CPQ: variants seen among roughly 807,000 people sequenced by gnomAD.
CPQ encodes carboxypeptidase Q.
In CPQ, 37 loss-of-function variants were observed where a neutral mutation model predicts 45.7. The ratio of observed to expected loss-of-function variants is 0.81; its 90% CI spans 0.62 to 1.07. CPQ has a LOEUF of 1.07. CPQ is among the 50% of genes least tolerant of loss of function. The pLI is 0.00. For synonymous variants in CPQ, 186 were observed against 205.8 expected, an observed-to-expected ratio of 0.90 and a Z score of 0.82; for missense variants, 537 against 572.9, an observed-to-expected ratio of 0.94 and a Z score of 0.64.
intron 4 of CPQ, among the ~76,000 whole-genome samples, chr8:96,961,586 T>G (rs1387152288): frequency 6.6e-6 from 1 of 152,228 alleles, no homozygotes; most frequent in Non-Finnish European, 1.5e-5. Flanking sequence ...GCTTTGAATT[T>G]TTATTCTATT....
At chr8:96,903,702 G>A (rs893443941) in intron 4 of CPQ, among the ~76,000 whole-genome samples, 2 of 152,154 alleles carry the variant, frequency 1.3e-5, no homozygotes, top group East Asian at 1.9e-4. Context: ...CAGCTAATGA[G>A]TGCTAGCACC....
intron 3 of CPQ, among the ~76,000 whole-genome samples, chr8:96,876,876 G>A (rs1186237699): frequency 6.6e-6 from 1 of 152,060 alleles, no homozygotes; most frequent in African/African-American, 2.4e-5. Context: ...GGGATTTTTG[G>A]TCTGTAGTTT....
intron 3 of CPQ, among the ~76,000 whole-genome samples, chr8:96,845,315 G>A (rs1811669428): frequency 6.6e-6 from 1 of 152,058 alleles, no homozygotes; most frequent in African/African-American, 2.4e-5. Flanking sequence ...CATGAGGACT[G>A]GAACTGTGTC....
At chr8:96,973,736 A>T (rs1813721955) in intron 5 of CPQ, among the ~76,000 whole-genome samples, 1 of 152,172 alleles carries the variant, frequency 6.6e-6, no homozygotes, top group African/African-American at 2.4e-5. Flanking sequence ...TAAACAAAAC[A>T]ATTATCAGCC....
At chr8:96,825,810 T>G (rs1379153057) in intron 2 of CPQ, among the ~76,000 whole-genome samples, 1 of 152,012 alleles carries the variant, frequency 6.6e-6, no homozygotes, top group African/African-American at 2.4e-5. Flanking sequence ...CACTTAAAAT[T>G]TTAAGCATAT....
intron 4 of CPQ, among the ~76,000 whole-genome samples, chr8:96,934,518 T>C (rs932436826): frequency 3.3e-5 from 5 of 152,178 alleles, no homozygotes; most frequent in African/African-American, 1.2e-4. Flanking sequence ...TAGGAAGGTC[T>C]TGACTTCAGC....
At chr8:96,772,601 C>A (rs1483527645) in intron 1 of CPQ, among the ~76,000 whole-genome samples, 1 of 151,976 alleles carries the variant, frequency 6.6e-6, no homozygotes, top group Non-Finnish European at 1.5e-5. Flanking sequence ...ATTTAAAGGA[C>A]AGATGGGGGA....
chr8:97,119,883 A>G (rs1323913715), intron 7 of CPQ, among the ~76,000 whole-genome samples: 1 of 152,184 alleles, frequency 6.6e-6, no homozygotes, highest in Admixed American at 6.5e-5. Flanking sequence ...GTCACCTGGC[A>G]GCTAGCCATT....
At chr8:97,043,076 G>T (rs1810161152) in intron 6 of CPQ, among the ~76,000 whole-genome samples, 2 of 151,928 alleles carry the variant, frequency 1.3e-5, no homozygotes, top group African/African-American at 4.8e-5. Context: ...GTCTAATGTT[G>T]ACAGTGGGGT....
intron 4 of CPQ, among the ~76,000 whole-genome samples, chr8:96,926,565 TCTTCCTCTTCC>T: frequency 9.2e-6 from 1 of 108,420 alleles, no homozygotes; most frequent in African/African-American, 4.2e-5. Context: ...TTCCTCTTCC[TCTTCCTCTTCC>T]TCTTCTTCTT....
chr8:96,970,565 C>CT (rs34088987), intron 5 of CPQ, among the ~76,000 whole-genome samples: 1,817 of 142,278 alleles, frequency 0.013, 23 homozygotes, highest in African/African-American at 0.022. Context: ...GCCCAACACT[C>CT]TTTTTTTTTT....
chr8:97,038,614 A>G (rs1306226939), intron 6 of CPQ, among the ~76,000 whole-genome samples: 1 of 152,018 alleles, frequency 6.6e-6, no homozygotes, highest in African/African-American at 2.4e-5. Context: ...CCACTTTTCA[A>G]TCACCAGCAC....
chr8:97,096,867 C>T (rs753464913), intron 7 of CPQ, among the ~76,000 whole-genome samples: 5 of 152,196 alleles, frequency 3.3e-5, no homozygotes, highest in Admixed American at 2.6e-4. Context: ...TTAAACTAAC[C>T]TATGCTTCCC....
intron 7 of CPQ, among the ~76,000 whole-genome samples, chr8:97,072,548 G>T (rs540458252): frequency 3.3e-5 from 5 of 152,076 alleles, no homozygotes; most frequent in African/African-American, 1.2e-4. Context: ...TCAAACTGTC[G>T]CTGTTTGCTG....
chr8:96,774,465 G>A (rs888259912), intron 1 of CPQ, among the ~76,000 whole-genome samples: 2 of 152,104 alleles, frequency 1.3e-5, no homozygotes, highest in African/African-American at 2.4e-5. Flanking sequence ...TCTGTTTAAG[G>A]CAGTGAGATG....
intron 4 of CPQ, among the ~76,000 whole-genome samples, chr8:96,950,757 C>A (rs1813251474): frequency 6.6e-6 from 1 of 152,124 alleles, no homozygotes; most frequent in Non-Finnish European, 1.5e-5. Flanking sequence ...ATTGAGCATA[C>A]ACTGGATACT....
At chr8:96,859,469 C>G (rs534428333) in intron 3 of CPQ, among the ~76,000 whole-genome samples, 167 of 152,256 alleles carry the variant, frequency 1.1e-3, no homozygotes, top group Middle Eastern at 6.8e-3. Flanking sequence ...CCAGCAGCTT[C>G]CCTCTGCCTG....
chr8:96,777,447 C>T (rs1002164282), intron 1 of CPQ, among the ~76,000 whole-genome samples: 1 of 151,892 alleles, frequency 6.6e-6, no homozygotes, highest in Middle Eastern at 3.2e-3. Flanking sequence ...GGGAGAATTC[C>T]TGTGATCTTC....
intron 1 of CPQ, among the ~76,000 whole-genome samples, chr8:96,745,707 A>G (rs2130782376): frequency 6.6e-6 from 1 of 152,336 alleles, no homozygotes; most frequent in South Asian, 2.1e-4. Context: ...TGTTCTTTTT[A>G]CTGAATTACA....
Sources: allele counts gnomAD v4.1 joint callset (sites outside exome capture counted in the v4.1 genomes callset), GRCh38; gene constraint gnomAD v4.1.1; transcripts MANE v1.5; gene names NCBI Gene and HGNC (gene_info 2026-07-23, HGNC 2026-07-21).